ERVFRD-1: variants seen among roughly 807,000 people sequenced by gnomAD.
The protein encoded by ERVFRD-1 is syncytin-2.
In ERVFRD-1, 33 loss-of-function variants were observed where a neutral mutation model predicts 43.8. That is an observed-to-expected ratio of 0.75 (90% CI 0.57 to 1.01). The LOEUF is 1.01. ERVFRD-1 is among the 50% of genes least tolerant of loss of function. The pLI is 0.00. For synonymous variants in ERVFRD-1, 239 were observed against 244.4 expected, an observed-to-expected ratio of 0.98 and a Z score of 0.21; for missense variants, 568 against 658.4, an observed-to-expected ratio of 0.86 and a Z score of 1.50.
At chr6:11,110,767 C>T (rs1204623435) in intron 1 of ERVFRD-1, among the ~76,000 whole-genome samples, 1 of 152,092 alleles carries the variant, frequency 6.6e-6, no homozygotes, top group Non-Finnish European at 1.5e-5. Flanking sequence ...GTTTATTTGC[C>T]CTCTTGATAT....
Position 11,104,533 on chromosome 6 carries a change from T to C in ERVFRD-1, c.778A>G (p.Met260Val), listed in dbSNP as rs1758053750. Reference sequence around the variant, plus strand: ...CCCAGGTAGCTGGTGGCTATAGTCATGCCTGCTAAGACTTGGACGCAGGGT... The same window carrying C: ...CCCAGGTAGCTGGTGGCTATAGTCACGCCTGCTAAGACTTGGACGCAGGGT... ...QTPCVQVLAG[M>V]TIATSYLGIS... Residue 260 changes from methionine (M) to valine (V), a missense_variant, in exon 2 of 2, where the codon ATG (methionine) becomes GTG (valine). Physicochemically the swap from Met to Val is conservative, Grantham distance 21. Coordinates refer to ENST00000472091, the MANE Select transcript of ERVFRD-1 (RefSeq NM_207582.3). 3.2e-6 allele frequency: 5 copies of C among 1,578,256 alleles called. No homozygotes were observed. The South Asian group carries it at 5.7e-5, about 18-fold the overall frequency.
intron 1 of ERVFRD-1, among the ~76,000 whole-genome samples, chr6:11,108,270 G>A (rs1758117850): frequency 6.6e-6 from 1 of 152,164 alleles, no homozygotes; most frequent in Admixed American, 6.5e-5. Context: ...CATTGAGCAG[G>A]CAGCCCTCAT....
intron 1 of ERVFRD-1, among the ~76,000 whole-genome samples, chr6:11,109,982 C>T (rs1758144070): frequency 1.3e-5 from 2 of 152,282 alleles, no homozygotes; most frequent in East Asian, 3.9e-4. Flanking sequence ...ATGGCAGTGT[C>T]CCCCATTCAT....
At position 11,104,225 on chromosome 6, in the gene ERVFRD-1, G is replaced by T. The variant is rs1379480021; in HGVS notation, c.1086C>A (p.Gly362=). 1 of 1,551,688 alleles carries T rather than the reference G, an allele frequency of 6.4e-7. No individual in the cohort carries two copies. The highest frequency in any genetic ancestry group is 8.7e-7 in the Non-Finnish European group (1 of 1,146,986). ...TTCCGGTTCCCGTACCAGCTAGAATGCCGAGTCCCGCGAGAAGGGGAATGA... is the reference window on the plus strand; with the variant it reads ...TTCCGGTTCCCGTACCAGCTAGAATTCCGAGTCCCGCGAGAAGGGGAATGA... ...IHFIPLLAGL[G]ILAGTGTGIA... The change falls in exon 2 of 2, where the codon GGC becomes GGA. Residue 362 remains glycine (G), a synonymous_variant. Coordinates refer to ENST00000472091, the MANE Select transcript of ERVFRD-1 (RefSeq NM_207582.3).
At position 11,105,000 on chromosome 6, in the gene ERVFRD-1, C is replaced by T. The variant is rs369615242; in HGVS notation, c.311G>A (p.Arg104His). 53 of 1,614,084 alleles carry T rather than the reference C, an allele frequency of 3.3e-5. No individual in the cohort carries two copies. The Middle Eastern group carries it at 4.9e-4, about 15-fold the overall frequency. The change falls in exon 2 of 2, where the codon CGC (arginine) becomes CAC (histidine). Residue 104 changes from arginine to histidine, a missense_variant. Coordinates refer to ENST00000472091, the MANE Select transcript of ERVFRD-1 (RefSeq NM_207582.3). ...STVKQDFPDI[R>H]QKPPIFGPIF... ...GGGTCCGAAAATGGGAGGTTTCTGGCGGATATCAGGGAAATCTTGCTTTAC... is the reference window on the plus strand; with the variant it reads ...GGGTCCGAAAATGGGAGGTTTCTGGTGGATATCAGGGAAATCTTGCTTTAC...
Position 11,105,400 on chromosome 6 carries a change from G to C in ERVFRD-1, c.-90C>G. The C allele has an allele frequency of 2.1e-6, 2 of 956,836 alleles. No homozygotes were observed. The highest frequency in any genetic ancestry group is 3.1e-6 in the Non-Finnish European group (2 of 643,220). 59.3% of individuals were successfully genotyped at this position (956,836 alleles called of 1,614,324 possible). ...AGGGTTAAAATAGTGATAACAATCAGAGCAATTGCCAGTAAAATTTCTAGT... is the reference window on the plus strand; with the variant it reads ...AGGGTTAAAATAGTGATAACAATCACAGCAATTGCCAGTAAAATTTCTAGT... On this transcript the variant is annotated 5_prime_UTR_variant, in exon 2 of 2. Coordinates refer to ENST00000472091, the MANE Select transcript of ERVFRD-1 (RefSeq NM_207582.3).
At chr6:11,105,894 A>G (rs1352959366) in intron 1 of ERVFRD-1, among the ~76,000 whole-genome samples, 1 of 152,200 alleles carries the variant, frequency 6.6e-6, no homozygotes, top group Non-Finnish European at 1.5e-5. Flanking sequence ...ATGGCCTACC[A>G]TATAAAGCCT....
rs1581911042 is a variant in ERVFRD-1, at chr6:11,103,442, C to T, written c.*252G>A. 1 of 485,634 alleles carries T rather than the reference C, an allele frequency of 2.1e-6. No homozygotes were observed. The allele number at this position is 485,634 out of a possible 1,614,324, so 30.1% of individuals were successfully genotyped here. A position where few individuals can be genotyped will look rare whatever the true frequency, so the allele number is the denominator to read the frequency against. On this transcript the variant is annotated 3_prime_UTR_variant, in exon 2 of 2. Coordinates refer to ENST00000472091, the MANE Select transcript of ERVFRD-1 (RefSeq NM_207582.3). ...CTGCTCATGTCTGACTAGCTACCTG[C>T]TCCAACATTTCCCCCCCTCAAGAGT...
intron 1 of ERVFRD-1, among the ~76,000 whole-genome samples, chr6:11,106,076 G>A (rs968583590): frequency 3.9e-5 from 6 of 152,194 alleles, no homozygotes; most frequent in African/African-American, 1.4e-4. Context: ...GCAGAGTGAA[G>A]CTTTATGTCC....
At position 11,105,001 on chromosome 6, in the gene ERVFRD-1, G is replaced by T; in HGVS notation, c.310C>A (p.Arg104Ser). Residue 104 changes from arginine to serine, a missense_variant, in exon 2 of 2, where the codon CGC becomes AGC. By Grantham distance (110) the Arg-to-Ser change is moderately radical (BLOSUM62 -1). Transcript: ENST00000472091. ...GGTCCGAAAATGGGAGGTTTCTGGC[G>T]GATATCAGGGAAATCTTGCTTTACT... Reference protein sequence around the residue: ...STVKQDFPDIRQKPPIFGPIF... With the variant: ...STVKQDFPDISQKPPIFGPIF... The T allele has an allele frequency of 6.2e-7, 1 of 1,614,184 alleles. No homozygotes were observed. The highest frequency in any genetic ancestry group is 8.5e-7 in the Non-Finnish European group (1 of 1,180,038).
At chr6:11,105,966 A>G (rs1479894372) in intron 1 of ERVFRD-1, among the ~76,000 whole-genome samples, 1 of 152,190 alleles carries the variant, frequency 6.6e-6, no homozygotes, top group African/African-American at 2.4e-5. Flanking sequence ...GCTAAAGCTA[A>G]GAGGTACACC....
intron 1 of ERVFRD-1, among the ~76,000 whole-genome samples, chr6:11,106,217 C>G (rs898872923): frequency 1.3e-5 from 2 of 152,198 alleles, no homozygotes; most frequent in Non-Finnish European, 2.9e-5. Flanking sequence ...TGTGCCTTTT[C>G]AGTCCTTGTG....
In ERVFRD-1 at chr6:11,102,974, A is replaced by T. The variant is rs1758018054; in HGVS notation, c.*720T>A. On this transcript the variant is annotated 3_prime_UTR_variant, in exon 2 of 2. Transcript: ENST00000472091. ...ATCCAATTGCCTTGGTAGGCCCTTGACTTGGGGTTTTATACATTGGCATTG... is the reference window on the plus strand; with the variant it reads ...ATCCAATTGCCTTGGTAGGCCCTTGTCTTGGGGTTTTATACATTGGCATTG... 6.6e-6 allele frequency: 1 copy of T among 152,256 alleles called. No homozygotes were observed. Among genetic ancestry groups the T allele is most frequent in the Non-Finnish European group, 1.5e-5 (1 of 68,032 alleles). 9.4% of individuals were successfully genotyped at this position (152,256 alleles called of 1,614,324 possible). A position where few individuals can be genotyped will look rare whatever the true frequency, so the allele number is the denominator to read the frequency against.
chr6:11,109,557 C>G (rs1380130275), intron 1 of ERVFRD-1, among the ~76,000 whole-genome samples: 1 of 152,124 alleles, frequency 6.6e-6, no homozygotes, highest in Non-Finnish European at 1.5e-5. Flanking sequence ...ACAAGCCCAA[C>G]AAAGGTCAGG....
Position 11,105,529 on chromosome 6 carries a change from C to T in ERVFRD-1, c.-219G>A. 1.9e-6 allele frequency: 1 copy of T among 518,606 alleles called. No homozygotes were observed. Among genetic ancestry groups the T allele is most frequent in the South Asian group, 2.6e-5 (1 of 37,762 alleles). The allele number at this position is 518,606 out of a possible 1,614,324, so 32.1% of individuals were successfully genotyped here. On this transcript the variant is annotated 5_prime_UTR_variant, in exon 2 of 2. Coordinates refer to ENST00000472091, the MANE Select transcript of ERVFRD-1 (RefSeq NM_207582.3). The stretch of plus-strand genomic sequence containing the variant: ...TCTTCCAGTGCCTTGCAAGTGTATT[C>T]CGGAGCTGAGGTTGCTGGTTCTGGC...
At position 11,102,761 on chromosome 6, in the gene ERVFRD-1, G is replaced by C. The variant is rs1403857386; in HGVS notation, c.*933C>G. 6.6e-6 allele frequency: 1 copy of C among 152,220 alleles called. No homozygotes were observed. The highest frequency in any genetic ancestry group is 1.5e-5 in the Non-Finnish European group (1 of 68,056). 9.4% of individuals were successfully genotyped at this position (152,220 alleles called of 1,614,324 possible). A position where few individuals can be genotyped will look rare whatever the true frequency, so the allele number is the denominator to read the frequency against. ...AACCTAAATGGTGGAACTGTTACCA[G>C]CAGCAAATCCAATGGGTCTGCAGCA... On this transcript the variant is annotated 3_prime_UTR_variant, in exon 2 of 2. Coordinates refer to ENST00000472091, the MANE Select transcript of ERVFRD-1 (RefSeq NM_207582.3).
intron 1 of ERVFRD-1, among the ~76,000 whole-genome samples, chr6:11,109,537 G>A (rs1410675448): frequency 6.6e-6 from 1 of 152,188 alleles, no homozygotes; most frequent in Non-Finnish European, 1.5e-5. Context: ...TATGGCCATG[G>A]ATCTGTTTTA....
Position 11,104,222 on chromosome 6 carries a change from A to G in ERVFRD-1, c.1089T>C (p.Ile363=), listed in dbSNP as rs1158923843. The G allele has an allele frequency of 6.4e-6, 10 of 1,551,554 alleles. No homozygotes were observed. Among genetic ancestry groups the G allele is most frequent in the Admixed American group, 2.0e-5 (1 of 50,978 alleles). ...CAATTCCGGTTCCCGTACCAGCTAG[A>G]ATGCCGAGTCCCGCGAGAAGGGGAA... is the stretch of plus-strand genomic sequence containing the variant. The part of the protein sequence containing the change: ...HFIPLLAGLG[I]LAGTGTGIAG... The change falls in exon 2 of 2, where the codon ATT becomes ATC. Residue 363 remains isoleucine (I), a synonymous_variant. Transcript: ENST00000472091.
chr6:11,109,403 C>G (rs1758136865), intron 1 of ERVFRD-1, among the ~76,000 whole-genome samples: 1 of 152,100 alleles, frequency 6.6e-6, no homozygotes, highest in African/African-American at 2.4e-5. Context: ...GAGGATGGCC[C>G]TGGGTAGGGA....
Sources: allele counts gnomAD v4.1 joint callset (sites outside exome capture counted in the v4.1 genomes callset), GRCh38; gene constraint gnomAD v4.1.1; transcripts MANE v1.5; gene names NCBI Gene and HGNC (gene_info 2026-07-23, HGNC 2026-07-21).